Variants in LHFPL1 observed in about 807,000 individuals in gnomAD.
LHFPL1 encodes LHFPL tetraspan subfamily member 1 protein.
Under a neutral mutation model 12.1 loss-of-function variants are expected in LHFPL1, and 4 were observed. That is an observed-to-expected ratio of 0.33 (90% CI 0.16 to 0.76). The LOEUF (loss-of-function observed/expected upper bound fraction) is 0.76. LHFPL1 is among the 30% of genes least tolerant of loss of function. The pLI, the probability that LHFPL1 is intolerant of heterozygous loss-of-function variation, is 0.61. For synonymous variants in LHFPL1, 52 were observed against 61.9 expected, an observed-to-expected ratio of 0.84 and a Z score of 0.75; for missense variants, 141 against 174.1, an observed-to-expected ratio of 0.81 and a Z score of 1.07.
At chrX:112,667,582 G>C (rs1223845710) in intron 2 of LHFPL1, among the ~76,000 whole-genome samples, 1 of 112,508 alleles carries the variant, frequency 8.9e-6, no homozygotes, top group East Asian at 2.8e-4. Flanking sequence ...TCTTTGTTTA[G>C]CTCTCACTGA....
chrX:112,643,444 G>A (rs751619653), intron 3 of LHFPL1, among the ~76,000 whole-genome samples: 2 of 110,167 alleles, frequency 1.8e-5, no homozygotes, highest in Admixed American at 1.9e-4. Context: ...GGCTGGGGAG[G>A]CCTCAGGAAA....
intron 1 of LHFPL1, 101 bp from the exon 2 acceptor site, chrX:112,671,505 G>C: frequency 1.7e-6 from 2 of 1,180,122 alleles, no homozygotes; most frequent in Non-Finnish European, 2.3e-6. Context: ...CAGTCCTGGG[G>C]CTCAATTATG....
chrX:112,671,348 G>A lies in LHFPL1; in HGVS notation c.43C>T (p.Leu15=), dbSNP rs764888226. The part of the protein sequence containing the change: ...LTMVGTLWAF[L]SLVTAVTSST... ...CTGGTCACAGCAGTAACAAGGGACA[G>A]GAAGGCCCAGAGGGTTCCCACCATG... The change falls in exon 2 of 4, where the codon CTG becomes TTG. Residue 15 remains leucine (L), a synonymous_variant. Coordinates refer to ENST00000371968, the MANE Select transcript of LHFPL1 (RefSeq NM_178175.4). 3.3e-6 allele frequency: 4 copies of A among 1,211,938 alleles called. No individual in the cohort carries two copies. The highest frequency in any genetic ancestry group is 3.4e-6 in the Non-Finnish European group (3 of 895,474).
chrX:112,644,534 T>C lies in LHFPL1; in HGVS notation c.482-12933A>G, dbSNP rs189459115. 2.3e-3 allele frequency among the ~76,000 whole-genome samples: 251 copies of C among 110,320 alleles called. 1 individual carries two copies. Among genetic ancestry groups the C allele is most frequent in the Middle Eastern group, 4.7e-3 (1 of 213 alleles). Reference sequence around the variant, plus strand: ...TTCTGTTATTTAAATACAAAATAGGTAGACGTGAAATTAGATCAAAGACCT... The same window carrying C: ...TTCTGTTATTTAAATACAAAATAGGCAGACGTGAAATTAGATCAAAGACCT... On this transcript the variant is annotated intron_variant, in intron 3 of 3. Transcript: ENST00000371968.
chrX:112,659,836 G>A (rs1931123273), intron 3 of LHFPL1, among the ~76,000 whole-genome samples: 1 of 112,082 alleles, frequency 8.9e-6, no homozygotes, highest in African/African-American at 3.2e-5. Context: ...TGTTTGCACA[G>A]GGAACAACTT....
At chrX:112,675,778 C>G (rs915594237) in intron 1 of LHFPL1, among the ~76,000 whole-genome samples, 6 of 111,597 alleles carry the variant, frequency 5.4e-5, no homozygotes, top group Admixed American at 3.8e-4. Flanking sequence ...TGGGCTAGCA[C>G]AATCCGTGGA....
At chrX:112,663,752 C>T (rs1931255560) in intron 2 of LHFPL1, among the ~76,000 whole-genome samples, 1 of 111,925 alleles carries the variant, frequency 8.9e-6, no homozygotes, top group South Asian at 3.8e-4. Context: ...TCTAGCAAGG[C>T]ACTAGGAATT....
intron 3 of LHFPL1, 28 bp downstream of exon 3, chrX:112,660,599 T>C: frequency 8.9e-7 from 1 of 1,128,208 alleles, no homozygotes; most frequent in Non-Finnish European, 1.2e-6. Flanking sequence ...CCATGAACCA[T>C]CACTGCCATC....
intron 3 of LHFPL1, among the ~76,000 whole-genome samples, chrX:112,648,323 T>C (rs986174316): frequency 9.0e-6 from 1 of 111,510 alleles, no homozygotes; most frequent in East Asian, 2.8e-4. Context: ...TAAAGTATAA[T>C]TGTTAAAAAA....
chrX:112,641,143 T>A (rs958309485), intron 3 of LHFPL1, among the ~76,000 whole-genome samples: 2 of 111,618 alleles, frequency 1.8e-5, no homozygotes, highest in Non-Finnish European at 3.8e-5. Context: ...CCATGCTTTA[T>A]CAGCCAACGG....
chrX:112,631,371 C>T lies in LHFPL1; in HGVS notation c.*49G>A, dbSNP rs763807478. On this transcript the variant is annotated 3_prime_UTR_variant, in exon 4 of 4. Coordinates refer to ENST00000371968, the MANE Select transcript of LHFPL1 (RefSeq NM_178175.4). ...TGGCCTAATCCTTAGTACCTCTTTT[C>T]AGGGCTCCCTCCTCCCCTTTCCCAC... is the stretch of plus-strand genomic sequence containing the variant. 8.9e-7 allele frequency: 1 copy of T among 1,123,447 alleles called. No individual in the cohort carries two copies. 92.6% of individuals were successfully genotyped at this position (1,123,447 alleles called of 1,213,427 possible). A position where few individuals can be genotyped will look rare whatever the true frequency, so the allele number is the denominator to read the frequency against.
intron 2 of LHFPL1, among the ~76,000 whole-genome samples, chrX:112,668,992 A>G (rs753903673): frequency 3.6e-5 from 4 of 112,441 alleles, no homozygotes; most frequent in Non-Finnish European, 5.6e-5. Context: ...CTCTTTTGTC[A>G]GAAGAGAAGA....
At chrX:112,673,965 A>C (rs778029106) in intron 1 of LHFPL1, among the ~76,000 whole-genome samples, 1 of 112,037 alleles carries the variant, frequency 8.9e-6, no homozygotes, top group Admixed American at 9.5e-5. Context: ...TCCCTCATGG[A>C]CATCATCACC....
chrX:112,638,694 T>G (rs1930415189), intron 3 of LHFPL1, among the ~76,000 whole-genome samples: 1 of 111,604 alleles, frequency 9.0e-6, no homozygotes, highest in Non-Finnish European at 1.9e-5. Flanking sequence ...CTCTTCCTAT[T>G]GAGGGTATTA....
chrX:112,643,438 G>A (rs1367078848), intron 3 of LHFPL1, among the ~76,000 whole-genome samples: 2 of 109,746 alleles, frequency 1.8e-5, no homozygotes, highest in Non-Finnish European at 3.8e-5. Flanking sequence ...CCACATGGCT[G>A]GGGAGGCCTC....
At chrX:112,645,937 C>T (rs1481714773) in intron 3 of LHFPL1, among the ~76,000 whole-genome samples, 1 of 111,304 alleles carries the variant, frequency 9.0e-6, no homozygotes, top group African/African-American at 3.3e-5. Flanking sequence ...TGCCATTAAG[C>T]AGCATCTACC....
At chrX:112,635,439 G>A (rs185346590) in intron 3 of LHFPL1, among the ~76,000 whole-genome samples, 1 of 112,242 alleles carries the variant, frequency 8.9e-6, no homozygotes, top group East Asian at 2.8e-4. Flanking sequence ...ACCATGCTAG[G>A]AGAATGAAAC....
intron 1 of LHFPL1, 82 bp from the exon 2 acceptor site, chrX:112,671,486 C>T: frequency 8.4e-7 from 1 of 1,194,871 alleles, no homozygotes; most frequent in South Asian, 1.8e-5. Context: ...TATTTTTCAT[C>T]TGGTTGGCCA....
At chrX:112,673,440 G>A (rs1424175279) in intron 1 of LHFPL1, among the ~76,000 whole-genome samples, 1 of 111,543 alleles carries the variant, frequency 9.0e-6, no homozygotes, top group Non-Finnish European at 1.9e-5. Context: ...CCGCAATGAG[G>A]TAATGCCTCT....
Sources: gnomAD v4.1 joint callset for allele counts (sites outside exome capture counted in the v4.1 genomes callset) on GRCh38, gnomAD v4.1.1 for gene constraint, MANE v1.5 for transcripts, NCBI Gene and HGNC (gene_info 2026-07-23, HGNC 2026-07-21) for gene names.